The following PTPN14 variants were observed in gnomAD, a reference collection of about 807,000 sequenced individuals.
PTPN14 encodes the protein tyrosine-protein phosphatase non-receptor type 14.
In PTPN14, 53 loss-of-function variants were observed where a neutral mutation model predicts 126.8. The ratio of observed to expected loss-of-function variants is 0.42; its 90% CI spans 0.34 to 0.53. The LOEUF (loss-of-function observed/expected upper bound fraction) is 0.53, where lower values mean the gene tolerates loss of function less well. Among genes scored for constraint, PTPN14 ranks in the 20% least tolerant of loss-of-function variants. The pLI is 0.08. For synonymous variants in PTPN14, 630 were observed against 599.3 expected (o/e 1.05, Z -0.75); for missense variants, 1,257 against 1,552.9 (o/e 0.81, Z 3.20).
chr1:214,495,548 T>C (rs911685879), intron 1 of PTPN14, among the ~76,000 whole-genome samples: 4 of 152,154 alleles, frequency 2.6e-5, no homozygotes, highest in Admixed American at 6.5e-5. Flanking sequence ...AAAAAAATAG[T>C]GTTCCAATTA....
intron 1 of PTPN14, among the ~76,000 whole-genome samples, chr1:214,546,051 A>C (rs1165082662): frequency 6.6e-6 from 1 of 152,208 alleles, no homozygotes; most frequent in Non-Finnish European, 1.5e-5. Flanking sequence ...CCAGGAATGG[A>C]ATCATTCAAA....
intron 1 of PTPN14, 77 bp downstream of exon 1, chr1:214,551,105 CA>C (rs1305817123): frequency 6.6e-6 from 1 of 152,326 alleles, no homozygotes; most frequent in Non-Finnish European, 1.5e-5. Context: ...AGCGTCTGCC[CA>C]AGTCATCTGC....
intron 1 of PTPN14, among the ~76,000 whole-genome samples, chr1:214,522,856 C>T (rs1281599963): frequency 2.0e-5 from 3 of 152,086 alleles, no homozygotes; most frequent in Non-Finnish European, 2.9e-5. Flanking sequence ...TTGTTTAGGA[C>T]GGCATAAAAT....
intron 1 of PTPN14, among the ~76,000 whole-genome samples, chr1:214,506,598 A>T (rs931197991): frequency 2.6e-5 from 4 of 152,082 alleles, no homozygotes; most frequent in African/African-American, 9.7e-5. Context: ...AGAATGCCAA[A>T]ACCTTTAATT....
intron 1 of PTPN14, among the ~76,000 whole-genome samples, chr1:214,488,327 A>G (rs1661160380): frequency 6.6e-6 from 1 of 152,236 alleles, no homozygotes; most frequent in Non-Finnish European, 1.5e-5. Flanking sequence ...GCCAGGCACT[A>G]CACTAGACAA....
At chr1:214,470,999 T>C (rs2102661221) in intron 1 of PTPN14, among the ~76,000 whole-genome samples, 1 of 142,116 alleles carries the variant, frequency 7.0e-6, no homozygotes, top group South Asian at 2.3e-4. Flanking sequence ...CACTCCAGCC[T>C]GGGTGACAAG....
At chr1:214,424,842 C>A (rs1659625017) in intron 3 of PTPN14, among the ~76,000 whole-genome samples, 1 of 125,976 alleles carries the variant, frequency 7.9e-6, no homozygotes, top group African/African-American at 2.9e-5. Flanking sequence ...AGACACCGTG[C>A]CCGGCCCGCC....
chr1:214,383,982 T>G lies in PTPN14; in HGVS notation c.1873A>C (p.Ser625Arg), dbSNP rs756811859. 6.2e-7 allele frequency: 1 copy of G among 1,610,816 alleles called. No individual in the cohort carries two copies. Among genetic ancestry groups the G allele is most frequent in the Non-Finnish European group, 8.5e-7 (1 of 1,179,960 alleles). ...PVVHQSLQEV[S>R]EPLTATKHHG... Reference sequence around the variant, plus strand: ...TGCTTGGTGGCCGTGAGGGGCTCGCTCACCTCCTGGAGAGACTGATGAACC... The same window carrying G: ...TGCTTGGTGGCCGTGAGGGGCTCGCGCACCTCCTGGAGAGACTGATGAACC... The change falls in exon 13 of 19, where the codon AGC (serine) becomes CGC (arginine). Residue 625 changes from serine to arginine, a missense_variant. By Grantham distance (110) the Ser-to-Arg change is moderately radical (BLOSUM62 -1). Coordinates refer to ENST00000366956, the MANE Select transcript of PTPN14 (RefSeq NM_005401.5). This position sits in a 1 kb window ranked among gnomAD's most constrained non-coding sequence, Gnocchi z 4.4.
chr1:214,436,980 TA>T (rs1341847130), intron 3 of PTPN14, among the ~76,000 whole-genome samples: 2 of 149,344 alleles, frequency 1.3e-5, no homozygotes, highest in Non-Finnish European at 3.0e-5. Context: ...AAAATTAAGA[TA>T]ACTGCTATCT....
intron 1 of PTPN14, among the ~76,000 whole-genome samples, chr1:214,535,200 CATCTAT>C (rs1402193400): frequency 6.6e-6 from 1 of 152,172 alleles, no homozygotes; most frequent in Non-Finnish European, 1.5e-5. Flanking sequence ...TCTGCACCTA[CATCTAT>C]ATCGCCACAT....
At chr1:214,422,537 T>C (rs1041116520) in intron 3 of PTPN14, among the ~76,000 whole-genome samples, 2 of 152,188 alleles carry the variant, frequency 1.3e-5, no homozygotes, top group Non-Finnish European at 2.9e-5. Flanking sequence ...GTTCATAATA[T>C]TACCTACAAC....
chr1:214,363,143 G>A (rs1009607688), intron 18 of PTPN14, among the ~76,000 whole-genome samples: 4 of 152,202 alleles, frequency 2.6e-5, no homozygotes, highest in African/African-American at 9.6e-5. Context: ...TTTCTGTTAT[G>A]TAGTCTCAAC....
At chr1:214,495,354 C>T (rs2102423126) in intron 1 of PTPN14, among the ~76,000 whole-genome samples, 1 of 152,154 alleles carries the variant, frequency 6.6e-6, no homozygotes, top group South Asian at 2.1e-4. Flanking sequence ...CTAATAATTA[C>T]CTATTACTGT....
Position 214,383,802 on chromosome 1 carries a change from C to T in PTPN14, c.2053G>A (p.Glu685Lys), listed in dbSNP as rs1658533215. Residue 685 changes from glutamate (E) to lysine (K), a missense_variant, in exon 13 of 19, where the codon GAG becomes AAG. Physicochemically the swap from Glu to Lys is moderately conservative, Grantham distance 56. This residue lies in a region of PTPN14 where 1,021 missense variants were observed against 1,183.3 expected (regional missense o/e 0.86). Coordinates refer to ENST00000366956, the MANE Select transcript of PTPN14 (RefSeq NM_005401.5). This position sits in a 1 kb window ranked among gnomAD's most constrained non-coding sequence, Gnocchi z 4.4. ...GPPEEGSGSH[E>K]VPQLPQYHHK... Reference sequence around the variant, plus strand: ...TGATACTGAGGGAGCTGGGGGACCTCGTGGCTGCCTGACCCCTCCTCGGGC... The same window carrying T: ...TGATACTGAGGGAGCTGGGGGACCTTGTGGCTGCCTGACCCCTCCTCGGGC... The T allele has an allele frequency of 4.3e-6, 7 of 1,612,670 alleles. No individual in the cohort carries two copies. The highest frequency in any genetic ancestry group is 3.3e-4 in the Middle Eastern group (2 of 6,084).
chr1:214,438,226 C>A (rs529537036), intron 3 of PTPN14, among the ~76,000 whole-genome samples: 42 of 152,182 alleles, frequency 2.8e-4, no homozygotes, highest in Non-Finnish European at 5.3e-4. Flanking sequence ...CTTCCCTGTT[C>A]TGAACAGCTG....
rs1657711341 is a variant in PTPN14 at position 214,351,667 on chromosome 1, TA to T, written c.*6254del. On this transcript the variant is annotated 3_prime_UTR_variant, in exon 19 of 19. Transcript: ENST00000366956. ...CTTTTGATCAGCAAATCCAGGCAAA[TA>T]TGATAAACCACACATCATAATCCAT... 1 of 152,226 alleles carries T rather than the reference TA, an allele frequency of 6.6e-6. No individual in the cohort carries two copies. Among genetic ancestry groups the T allele is most frequent in the South Asian group, 2.1e-4 (1 of 4,830 alleles). 9.4% of individuals were successfully genotyped at this position (152,226 alleles called of 1,614,324 possible). A position where few individuals can be genotyped will look rare whatever the true frequency, so the allele number is the denominator to read the frequency against.
chr1:214,476,596 C>T (rs975065685), intron 1 of PTPN14, among the ~76,000 whole-genome samples: 2 of 152,212 alleles, frequency 1.3e-5, no homozygotes, highest in Non-Finnish European at 2.9e-5. Context: ...ACTCTGCCAG[C>T]TCTCTCCATC....
intron 3 of PTPN14, among the ~76,000 whole-genome samples, chr1:214,432,842 C>T (rs1659825109): frequency 6.6e-6 from 1 of 152,168 alleles, no homozygotes; most frequent in African/African-American, 2.4e-5. Context: ...TTCTGAGTGG[C>T]TGGTGATGCT....
At chr1:214,418,335 A>G (rs1265737488) in intron 3 of PTPN14, among the ~76,000 whole-genome samples, 1 of 152,264 alleles carries the variant, frequency 6.6e-6, no homozygotes, top group Non-Finnish European at 1.5e-5. Context: ...GGGGCCATAC[A>G]TCACTGCAGC....
Sources: gnomAD v4.1 joint callset for allele counts (sites outside exome capture counted in the v4.1 genomes callset) on GRCh38, gnomAD v4.1.1 for gene constraint, gnomAD v4.1.1 regional missense constraint, Gnocchi (gnomAD v3.1) non-coding constraint, MANE v1.5 for transcripts, NCBI Gene and HGNC (gene_info 2026-07-23, HGNC 2026-07-21) for gene names.